The following S1PR5 variants were observed in gnomAD, a reference collection of about 807,000 sequenced individuals.
The protein encoded by S1PR5 is sphingosine 1-phosphate receptor 5.
For missense variants in S1PR5, 583 were observed against 571.7 expected (o/e 1.02, Z -0.20); for synonymous variants, 307 against 284.7 (o/e 1.08, Z -0.79).
In S1PR5 at chr19:10,513,089, C is replaced by T. The variant is rs1915321551; in HGVS notation, c.*726G>A. ...AATTCCTCAGTAATTCTGTCTGCTG[C>T]CTCTAAAATCTATCTAGAATCCACG... On this transcript the variant is annotated 3_prime_UTR_variant, in exon 2 of 2. Transcript: ENST00000333430. 6.5e-6 allele frequency: 1 copy of T among 152,820 alleles called. No individual in the cohort carries two copies. Among genetic ancestry groups the T allele is most frequent in the Non-Finnish European group, 1.5e-5 (1 of 68,534 alleles). 9.5% of individuals were successfully genotyped at this position (152,820 alleles called of 1,614,324 possible). A position where few individuals can be genotyped will look rare whatever the true frequency, so the allele number is the denominator to read the frequency against.
rs1295225315 is a variant in S1PR5, at chr19:10,513,731, C to T, written c.*84G>A. On this transcript the variant is annotated 3_prime_UTR_variant, in exon 2 of 2. Coordinates refer to ENST00000333430, the MANE Select transcript of S1PR5 (RefSeq NM_030760.5). ...TTCCCCTGCATCTTTTCCGACTGCACCTTTGGCTGCATTTCCTACAAATTC... is the reference window on the plus strand; with the variant it reads ...TTCCCCTGCATCTTTTCCGACTGCATCTTTGGCTGCATTTCCTACAAATTC... The T allele has an allele frequency of 1.9e-6, 3 of 1,547,066 alleles. No individual in the cohort carries two copies. The highest frequency in any genetic ancestry group is 2.6e-6 in the Non-Finnish European group (3 of 1,142,138).
At chr19:10,515,366 G>A (rs1161684879) in intron 1 of S1PR5, among the ~76,000 whole-genome samples, 2 of 152,084 alleles carry the variant, frequency 1.3e-5, no homozygotes, top group Non-Finnish European at 2.9e-5. Flanking sequence ...AGTGGCTCAG[G>A]CCTGGGAGGC....
rs1392331026 is a variant in S1PR5, at chr19:10,514,716, A to G, written c.296T>C (p.Leu99Pro). 3.7e-6 allele frequency: 6 copies of G among 1,611,012 alleles called. No homozygotes were observed. In the East Asian group the frequency reaches 1.3e-4, roughly 36 times the overall value. Residue 99 changes from leucine to proline, a missense_variant, in exon 2 of 2, where the codon CTC becomes CCC. Coordinates refer to ENST00000333430, the MANE Select transcript of S1PR5 (RefSeq NM_030760.5). ...GAGCGCGGGGGACAGTTTCAGCGTG[A>G]GCGGCCCCGACAGTAGGATGTTGGC... The part of the protein sequence containing the change: ...YAANILLSGP[L>P]TLKLSPALWF...
At chr19:10,515,082 G>C (rs753881222) in intron 1 of S1PR5, 53 bp from the exon 2 acceptor site, 55 of 1,502,890 alleles carry the variant, frequency 3.7e-5, no homozygotes, top group Non-Finnish European at 4.6e-5. Context: ...AAGCACGCTC[G>C]CAGCAGCCGG....
chr19:10,514,667 G>A lies in S1PR5; in HGVS notation c.345C>T (p.Val115=). The change falls in exon 2 of 2, where the codon GTC becomes GTT. Residue 115 remains valine, a synonymous_variant. Transcript: ENST00000333430. ...PALWFAREGG[V]FVALTASVLS... Reference sequence around the variant, plus strand: ...GCACGGACGCAGTGAGTGCCACGAAGACGCCTCCCTCCCGTGCGAACCAGA... The same window carrying A: ...GCACGGACGCAGTGAGTGCCACGAAAACGCCTCCCTCCCGTGCGAACCAGA... 6.2e-7 allele frequency: 1 copy of A among 1,607,060 alleles called. No individual in the cohort carries two copies. Among genetic ancestry groups the A allele is most frequent in the East Asian group, 2.2e-5 (1 of 44,710 alleles).
At position 10,513,861 on chromosome 19, in the gene S1PR5, G is replaced by A. The variant is rs769338705; in HGVS notation, c.1151C>T (p.Ala384Val). 5 of 1,611,998 alleles carry A rather than the reference G, an allele frequency of 3.1e-6. No individual in the cohort carries two copies. Among genetic ancestry groups the A allele is most frequent in the Non-Finnish European group, 3.4e-6 (4 of 1,179,722 alleles). The change falls in exon 2 of 2, where the codon GCA becomes GTA. Residue 384 changes from alanine to valine, a missense_variant. Coordinates refer to ENST00000333430, the MANE Select transcript of S1PR5 (RefSeq NM_030760.5). ...DTSGSTGSPG[A>V]PTAARTLVSE... The stretch of plus-strand genomic sequence containing the variant: ...TACCAGAGTCCGGGCGGCTGTGGGT[G>A]CACCGGGGCTGCCTGTGGAGCCGCT...
intron 1 of S1PR5, among the ~76,000 whole-genome samples, chr19:10,516,804 G>C (rs1049999746): frequency 2.0e-5 from 3 of 152,090 alleles, no homozygotes; most frequent in African/African-American, 4.8e-5. Context: ...ATTTACAGAT[G>C]AGAAAACTGA....
chr19:10,514,042 CGCA>C lies in S1PR5; in HGVS notation c.967_969del (p.Cys323del). ...GGGTCTCTGCCGCAGGAGTGGCGTC[CGCA>C]GCAGACCAGGCGCAGGAGCGCGTGG... On this transcript the variant is annotated inframe_deletion, in exon 2 of 2. Coordinates refer to ENST00000333430, the MANE Select transcript of S1PR5 (RefSeq NM_030760.5). 1 of 1,611,720 alleles carries C rather than the reference CGCA, an allele frequency of 6.2e-7. No homozygotes were observed. Among genetic ancestry groups the C allele is most frequent in the East Asian group, 2.2e-5 (1 of 44,858 alleles).
Position 10,513,714 on chromosome 19 carries a change from C to A in S1PR5, c.*101G>T. The A allele has an allele frequency of 6.7e-7, 1 of 1,486,066 alleles. No individual in the cohort carries two copies. The highest frequency in any genetic ancestry group is 2.4e-5 in the East Asian group (1 of 42,244). The allele number at this position is 1,486,066 out of a possible 1,614,324, so 92.1% of individuals were successfully genotyped here. Reference sequence around the variant, plus strand: ...TCGCTGCATAAATACATTTCCCCTGCATCTTTTCCGACTGCACCTTTGGCT... The same window carrying A: ...TCGCTGCATAAATACATTTCCCCTGAATCTTTTCCGACTGCACCTTTGGCT... On this transcript the variant is annotated 3_prime_UTR_variant, in exon 2 of 2. Coordinates refer to ENST00000333430, the MANE Select transcript of S1PR5 (RefSeq NM_030760.5).
chr19:10,515,752 A>G (rs62131898), intron 1 of S1PR5, among the ~76,000 whole-genome samples: 19,290 of 151,876 alleles, frequency 0.13, 1,502 homozygotes, highest in South Asian at 0.3. Context: ...AACATAGGAG[A>G]ACCCCGTTTC....
At position 10,513,489 on chromosome 19, in the gene S1PR5, C is replaced by A; in HGVS notation, c.*326G>T. On this transcript the variant is annotated 3_prime_UTR_variant, in exon 2 of 2. Coordinates refer to ENST00000333430, the MANE Select transcript of S1PR5 (RefSeq NM_030760.5). ...CCTGAAATGCTTTTCTTTTGGTCTT[C>A]CCAGGACAGAGGTCTCAGCTCACAT... 1 of 538,940 alleles carries A rather than the reference C, an allele frequency of 1.9e-6. No homozygotes were observed. The highest frequency in any genetic ancestry group is 3.2e-6 in the Non-Finnish European group (1 of 310,016). 33.4% of individuals were successfully genotyped at this position (538,940 alleles called of 1,614,324 possible).
chr19:10,514,119 T>A lies in S1PR5; in HGVS notation c.893A>T (p.Asn298Ile). ...ADPFLGLAMA[N>I]SLLNPIIYTL... ...GTAGATGATGGGGTTCAGAAGTGAGTTGGCCATGGCCAGTCCCAGGAAGGG... is the reference window on the plus strand; with the variant it reads ...GTAGATGATGGGGTTCAGAAGTGAGATGGCCATGGCCAGTCCCAGGAAGGG... The change falls in exon 2 of 2, where the codon AAC (asparagine) becomes ATC (isoleucine). Residue 298 changes from asparagine to isoleucine, a missense_variant. Asn to Ile is a moderately radical substitution (Grantham distance 149). Transcript: ENST00000333430. 1 of 1,612,920 alleles carries A rather than the reference T, an allele frequency of 6.2e-7. No homozygotes were observed. The highest frequency in any genetic ancestry group is 8.5e-7 in the Non-Finnish European group (1 of 1,179,778).
At position 10,514,935 on chromosome 19, in the gene S1PR5, C is replaced by A. The variant is rs1258652461; in HGVS notation, c.77G>T (p.Arg26Leu). 2 of 1,607,668 alleles carry A rather than the reference C, an allele frequency of 1.2e-6. No homozygotes were observed. Among genetic ancestry groups the A allele is most frequent in the Non-Finnish European group, 1.7e-6 (2 of 1,178,544 alleles). Residue 26 changes from arginine (R) to leucine (L), a missense_variant, in exon 2 of 2, where the codon CGC becomes CTC. Arg to Leu is a moderately radical substitution (Grantham distance 102). Coordinates refer to ENST00000333430, the MANE Select transcript of S1PR5 (RefSeq NM_030760.5). ...VLHYNYTGKL[R>L]GARYQPGAGL... Reference sequence around the variant, plus strand: ...GGCACCCGGCTGGTAGCGCGCACCGCGGAGCTTGCCGGTGTAGTTGTAATG... The same window carrying A: ...GGCACCCGGCTGGTAGCGCGCACCGAGGAGCTTGCCGGTGTAGTTGTAATG...
Position 10,514,181 on chromosome 19 carries a change from G to A in S1PR5, c.831C>T (p.Cys277=), listed in dbSNP as rs1915362566. The A allele has an allele frequency of 6.2e-7, 1 of 1,612,354 alleles. No homozygotes were observed. Among genetic ancestry groups the A allele is most frequent in the African/African-American group, 1.3e-5 (1 of 75,052 alleles). The change falls in exon 2 of 2, where the codon TGC becomes TGT. Residue 277 remains cysteine, a synonymous_variant. Transcript: ENST00000333430. ...GGAGTACAGGACAGGTGCGCGCCGG[G>A]CACGCCACGTCGAGCAACAGCAGCA... ...LFLLLLLDVA[C]PARTCPVLLQ...
chr19:10,513,887 G>A lies in S1PR5; in HGVS notation c.1125C>T (p.Thr375=). The A allele has an allele frequency of 6.2e-7, 1 of 1,611,374 alleles. No homozygotes were observed. Among genetic ancestry groups the A allele is most frequent in the Non-Finnish European group, 8.5e-7 (1 of 1,179,610 alleles). ...CACCGGGGCTGCCTGTGGAGCCGCTGGTGTCCAGCCCGTCGCGCTGGGGCG... is the reference window on the plus strand; with the variant it reads ...CACCGGGGCTGCCTGTGGAGCCGCTAGTGTCCAGCCCGTCGCGCTGGGGCG... The part of the protein sequence containing the change: ...RSSPQRDGLD[T]SGSTGSPGAP... The change falls in exon 2 of 2, where the codon ACC becomes ACT. Residue 375 remains threonine (T), a synonymous_variant. Transcript: ENST00000333430.
upstream of S1PR5, chr19:10,517,768 A>G: frequency 1.1e-6 from 1 of 910,842 alleles, no homozygotes. Context: ...TCCCCAGCGG[A>G]GGGGTCTCCT....
Position 10,515,434 on chromosome 19 carries a change from C to A in S1PR5, c.-18-405G>T, listed in dbSNP as rs188189760. ...AGACCATCCTGGCTAACACGGTGAA[C>A]CCCTCCGTCTCTGCTAAAAACACAA... On this transcript the variant is annotated intron_variant, in intron 1 of 1. Transcript: ENST00000333430. Among the ~76,000 whole-genome samples, 845 of 152,020 alleles carry A rather than the reference C, an allele frequency of 5.6e-3. 15 individuals carry two copies. Among genetic ancestry groups the A allele is most frequent in the South Asian group, 0.041 (198 of 4,816 alleles).
At chr19:10,515,680 C>A (rs1004457090) in intron 1 of S1PR5, among the ~76,000 whole-genome samples, 6 of 152,052 alleles carry the variant, frequency 3.9e-5, no homozygotes, top group African/African-American at 1.2e-4. Context: ...GTAATTCCAG[C>A]ACTTTGGGAG....
chr19:10,517,229 A>T (rs1915459513), intron 1 of S1PR5, 169 bp downstream of exon 1: 1 of 300,406 alleles, frequency 3.3e-6, no homozygotes, highest in Non-Finnish European at 4.9e-6. Flanking sequence ...TCCTGCACCC[A>T]GCTGGGGAGC....
Sources: allele counts gnomAD v4.1 joint callset (sites outside exome capture counted in the v4.1 genomes callset), GRCh38; gene constraint gnomAD v4.1.1; transcripts MANE v1.5; gene names NCBI Gene and HGNC (gene_info 2026-07-23, HGNC 2026-07-21).